Variants in LTBP1 observed in about 807,000 individuals in gnomAD.
The protein encoded by LTBP1 is latent-transforming growth factor beta-binding protein 1.
In LTBP1, 129 loss-of-function variants were observed where a neutral mutation model predicts 207.6. That is an observed-to-expected ratio of 0.62 (90% CI 0.54 to 0.72). The LOEUF (loss-of-function observed/expected upper bound fraction) is 0.72. Ranked by LOEUF, LTBP1 falls within the 30% of genes least tolerant of loss-of-function variation. LTBP1 has a pLI of 0.00. For missense variants in LTBP1, 2,281 were observed against 2,217.2 expected (o/e 1.03, Z -0.58); for synonymous variants, 963 against 833.7 (o/e 1.16, Z -2.67).
At chr2:33,378,173 A>T (rs1483747425) in intron 31 of LTBP1, among the ~76,000 whole-genome samples, 1 of 124,212 alleles carries the variant, frequency 8.1e-6, no homozygotes, top group East Asian at 3.1e-4. Flanking sequence ...TTTTACTTTC[A>T]TATATATATA....
chr2:33,187,762 G>A (rs544167880), intron 6 of LTBP1, among the ~76,000 whole-genome samples: 173 of 152,200 alleles, frequency 1.1e-3, no homozygotes, highest in African/African-American at 4.0e-3. Context: ...TTGGTATTTT[G>A]TGTGTGTGTA....
chr2:33,087,461 C>G (rs1186811771), intron 3 of LTBP1, among the ~76,000 whole-genome samples: 1 of 152,136 alleles, frequency 6.6e-6, no homozygotes, highest in Non-Finnish European at 1.5e-5. Context: ...TCCAAACAGA[C>G]TTAAGTAATA....
Position 32,947,678 on chromosome 2 carries a change from C to T in LTBP1, c.354C>T (p.Leu118=). 2 of 1,485,570 alleles carry T rather than the reference C, an allele frequency of 1.3e-6. No homozygotes were observed. Among genetic ancestry groups the T allele is most frequent in the Non-Finnish European group, 9.0e-7 (1 of 1,115,642 alleles). The allele number at this position is 1,485,570 out of a possible 1,614,324, so 92.0% of individuals were successfully genotyped here. ...PARPAVPGGQ[L]HPNPGGHPAA... ...GTCCCGCGGTCCCCGGCGGGCAGCT[C>T]CACCCCAATCCCGGCGGCCACCCGG... Residue 118 remains leucine, a synonymous_variant, in exon 1 of 34, where the codon CTC becomes CTT. Coordinates refer to ENST00000404816, the MANE Select transcript of LTBP1 (RefSeq NM_206943.4).
intron 19 of LTBP1, among the ~76,000 whole-genome samples, chr2:33,285,451 CTTT>C (rs199993814): frequency 4.0e-5 from 5 of 124,388 alleles, no homozygotes; most frequent in African/African-American, 6.1e-5. Context: ...CTTTCTTTTT[CTTT>C]TTTTTTTTTT....
At position 33,200,571 on chromosome 2, in the gene LTBP1, G is replaced by A. The variant is rs529604436; in HGVS notation, c.1701+11720G>A. Among the ~76,000 whole-genome samples the A allele has an allele frequency of 4.3e-4, 65 of 152,066 alleles. 1 individual carries two copies. The Middle Eastern group carries it at 0.01, about 24-fold the overall frequency. ...CATTCAGGACATAGGCTTGGGCAAGGACTTCCTGTCTAAAACACCAAAAGC... is the reference window on the plus strand; with the variant it reads ...CATTCAGGACATAGGCTTGGGCAAGAACTTCCTGTCTAAAACACCAAAAGC... On this transcript the variant is annotated intron_variant, in intron 7 of 33. Coordinates refer to ENST00000404816, the MANE Select transcript of LTBP1 (RefSeq NM_206943.4).
chr2:33,304,510 C>G (rs2094052692), intron 22 of LTBP1, among the ~76,000 whole-genome samples: 1 of 152,232 alleles, frequency 6.6e-6, no homozygotes. Flanking sequence ...TAGAGTCAGA[C>G]TCCCAAGTGT....
intron 25 of LTBP1, 57 bp from the exon 26 acceptor site, chr2:33,347,310 T>TA (rs2094717257): frequency 6.2e-7 from 1 of 1,606,484 alleles, no homozygotes; most frequent in Non-Finnish European, 8.5e-7. Context: ...GCTGGTAAAA[T>TA]AGAGAGCTGT....
chr2:33,198,928 T>C (rs2088877385), intron 7 of LTBP1, among the ~76,000 whole-genome samples: 1 of 152,220 alleles, frequency 6.6e-6, no homozygotes, highest in African/African-American at 2.4e-5. Context: ...AGTTATTTCT[T>C]GCCTTCTGCT....
intron 10 of LTBP1, among the ~76,000 whole-genome samples, chr2:33,245,932 T>G (rs539495181): frequency 2.2e-4 from 34 of 152,284 alleles, no homozygotes; most frequent in African/African-American, 7.9e-4. Flanking sequence ...ATGTCTAGAG[T>G]TGAGGGCAGA....
chr2:33,201,279 A>G (rs1469268883), intron 7 of LTBP1, among the ~76,000 whole-genome samples: 2 of 152,208 alleles, frequency 1.3e-5, no homozygotes, highest in Non-Finnish European at 2.9e-5. Flanking sequence ...CATATACACC[A>G]TGGAATACTA....
chr2:33,215,876 G>T (rs2149346906), intron 7 of LTBP1, among the ~76,000 whole-genome samples: 1 of 152,044 alleles, frequency 6.6e-6, no homozygotes, highest in Non-Finnish European at 1.5e-5. Context: ...CCACCACGCT[G>T]GCTAATTTTT....
At chr2:33,024,866 A>G (rs1387272467) in intron 3 of LTBP1, among the ~76,000 whole-genome samples, 2 of 152,234 alleles carry the variant, frequency 1.3e-5, no homozygotes, top group Non-Finnish European at 2.9e-5. Context: ...AGTCTGTGTC[A>G]GGAATCCAGG....
chr2:33,383,182 C>T (rs575678393), intron 31 of LTBP1, among the ~76,000 whole-genome samples: 32 of 152,288 alleles, frequency 2.1e-4, no homozygotes, highest in Middle Eastern at 3.4e-3. Context: ...ACTGAAACCC[C>T]GTCTCTACTA....
At chr2:33,170,408 C>T (rs1414611080) in intron 5 of LTBP1, among the ~76,000 whole-genome samples, 11 of 152,246 alleles carry the variant, frequency 7.2e-5, no homozygotes, top group African/African-American at 2.6e-4. Flanking sequence ...ATTGCTAGCA[C>T]AGCAGTCTGA....
chr2:33,200,109 G>T (rs935544536), intron 7 of LTBP1, among the ~76,000 whole-genome samples: 2 of 152,106 alleles, frequency 1.3e-5, no homozygotes, highest in African/African-American at 4.8e-5. Flanking sequence ...TTTCTTCACA[G>T]AATTGGAAAA....
intron 5 of LTBP1, among the ~76,000 whole-genome samples, chr2:33,176,053 C>G (rs527274607): frequency 4.6e-5 from 7 of 150,782 alleles, no homozygotes; most frequent in Non-Finnish European, 1.0e-4. Flanking sequence ...ATACCTAATG[C>G]TAAATGACGA....
chr2:33,323,371 T>G (rs2094383406), intron 24 of LTBP1, among the ~76,000 whole-genome samples: 1 of 152,202 alleles, frequency 6.6e-6, no homozygotes, highest in Non-Finnish European at 1.5e-5. Context: ...GCGCGGTAGC[T>G]CACACCTGTA....
intron 31 of LTBP1, among the ~76,000 whole-genome samples, chr2:33,387,894 C>T (rs1353505233): frequency 6.6e-6 from 1 of 152,148 alleles, no homozygotes; most frequent in Admixed American, 6.5e-5. Context: ...GTGGCCATTG[C>T]CTTGTGTGAC....
At chr2:33,237,286 T>A (rs2092096529) in intron 9 of LTBP1, among the ~76,000 whole-genome samples, 1 of 152,230 alleles carries the variant, frequency 6.6e-6, no homozygotes, top group South Asian at 2.1e-4. Flanking sequence ...GTTTTAAATA[T>A]GCTTATGTAT....
Sources: allele counts gnomAD v4.1 joint callset (sites outside exome capture counted in the v4.1 genomes callset), GRCh38; gene constraint gnomAD v4.1.1; transcripts MANE v1.5; gene names NCBI Gene and HGNC (gene_info 2026-07-23, HGNC 2026-07-21).